The following EHBP1 variants were observed in gnomAD, a reference collection of about 807,000 sequenced individuals.
EHBP1 encodes the protein EH domain binding protein 1, also known as EH domain-binding protein 1.
EHBP1 carries 55 observed loss-of-function variants against 144.0 expected under a neutral mutation model. The ratio of observed to expected loss-of-function variants is 0.38; its 90% confidence interval spans 0.31 to 0.48. The LOEUF is 0.48. Ranked by LOEUF, EHBP1 falls within the 20% of genes least tolerant of loss-of-function variation. The probability of loss-of-function intolerance (pLI) is 0.98; values close to 1 mark genes in which losing one functional copy is unlikely to be tolerated. For synonymous variants in EHBP1, 469 were observed against 472.7 expected, an observed-to-expected ratio of 0.99 and a Z score of 0.10; for missense variants, 1,200 against 1,364.2, an observed-to-expected ratio of 0.88 and a Z score of 1.90.
intron 10 of EHBP1, among the ~76,000 whole-genome samples, chr2:62,926,776 C>T (rs1454459262): frequency 6.6e-6 from 1 of 152,038 alleles, no homozygotes; most frequent in Admixed American, 6.6e-5. Flanking sequence ...ATGGAGAACA[C>T]TATGGAGGTC....
intron 10 of EHBP1, among the ~76,000 whole-genome samples, chr2:62,909,259 A>T (rs983136267): frequency 6.6e-6 from 1 of 151,688 alleles, no homozygotes; most frequent in African/African-American, 2.4e-5. Context: ...GCTCAATGCA[A>T]CCTCCACCTC....
At chr2:62,801,262 T>C (rs560423114) in intron 5 of EHBP1, among the ~76,000 whole-genome samples, 1 of 152,216 alleles carries the variant, frequency 6.6e-6, no homozygotes, top group African/African-American at 2.4e-5. Flanking sequence ...AAGAAGTACT[T>C]GTGGTCGCTG....
intron 7 of EHBP1, among the ~76,000 whole-genome samples, chr2:62,833,568 G>C (rs777701996): frequency 2.0e-5 from 3 of 152,130 alleles, no homozygotes; most frequent in Non-Finnish European, 4.4e-5. Flanking sequence ...GTTGAGACCT[G>C]CCGTACAGAA....
intron 5 of EHBP1, among the ~76,000 whole-genome samples, chr2:62,815,284 C>T (rs1009679283): frequency 1.3e-5 from 2 of 152,164 alleles, no homozygotes; most frequent in African/African-American, 2.4e-5. Context: ...TGCATAGAAA[C>T]GAATGAGGAA....
At chr2:62,827,595 G>A (rs1338522566) in intron 6 of EHBP1, among the ~76,000 whole-genome samples, 1 of 152,040 alleles carries the variant, frequency 6.6e-6, no homozygotes, top group Non-Finnish European at 1.5e-5. Flanking sequence ...TTCTTTGCCT[G>A]GTTACCTTCC....
intron 2 of EHBP1, among the ~76,000 whole-genome samples, chr2:62,712,957 A>T (rs1010851765): frequency 2.0e-5 from 3 of 152,204 alleles, no homozygotes; most frequent in Admixed American, 6.5e-5. Context: ...AATTTCCTTT[A>T]ATAAAATAAA....
chr2:62,979,263 A>C lies in EHBP1; in HGVS notation c.2536A>C (p.Lys846Gln), dbSNP rs1264629898. Reference protein sequence around the residue: ...QLIAEARSGVKMSELPSYGEM... With the variant: ...QLIAEARSGVQMSELPSYGEM... The stretch of plus-strand genomic sequence containing the variant: ...AATAGCAGAAGCTCGATCTGGAGTG[A>C]AGATGTCAGAACTTCCCAGCTATGG... The change falls in exon 15 of 23, where the codon AAG becomes CAG. Residue 846 changes from lysine (K) to glutamine (Q), a missense_variant. Physicochemically the swap from Lys to Gln is moderately conservative, Grantham distance 53. Around this residue, in one of 6 missense-constraint regions of EHBP1, gnomAD observed 543 missense variants for 513.1 expected, o/e 1.06. Transcript: ENST00000431489. 1.9e-6 allele frequency: 3 copies of C among 1,614,008 alleles called. No individual in the cohort carries two copies. Among genetic ancestry groups the C allele is most frequent in the Non-Finnish European group, 1.7e-6 (2 of 1,179,930 alleles).
chr2:62,839,958 T>C (rs2047659952), intron 7 of EHBP1, among the ~76,000 whole-genome samples: 1 of 152,260 alleles, frequency 6.6e-6, no homozygotes, highest in East Asian at 1.9e-4. Context: ...AAGGTACCAA[T>C]GACTTTCTTC....
intron 16 of EHBP1, among the ~76,000 whole-genome samples, chr2:62,991,109 G>C (rs763206476): frequency 2.0e-4 from 30 of 151,974 alleles, no homozygotes; most frequent in Non-Finnish European, 3.4e-4. Flanking sequence ...GCCAGGCATG[G>C]TGGTGCATGA....
chr2:62,859,221 C>A lies in EHBP1; in HGVS notation c.687C>A (p.Thr229=). Residue 229 remains threonine (T), a synonymous_variant, in exon 8 of 23, where the codon ACC becomes ACA. Coordinates refer to ENST00000431489, the MANE Select transcript of EHBP1 (RefSeq NM_001142616.3). ...FLDEAEKDLA[T]VNSNPFDDPD... ...ATGAAGCAGAAAAGGACTTGGCCAC[C>A]GTGAATTCAAATCCATTTGATGATC... 1.9e-6 allele frequency: 3 copies of A among 1,611,402 alleles called. No homozygotes were observed. Among genetic ancestry groups the A allele is most frequent in the Non-Finnish European group, 2.5e-6 (3 of 1,178,322 alleles).
At chr2:62,780,807 G>C (rs1183034719) in intron 5 of EHBP1, among the ~76,000 whole-genome samples, 1 of 152,072 alleles carries the variant, frequency 6.6e-6, no homozygotes, top group East Asian at 1.9e-4. Context: ...ACATTTTAAG[G>C]GAAAGTTCCA....
chr2:62,681,498 A>T (rs1042151254), intron 1 of EHBP1, among the ~76,000 whole-genome samples: 2 of 151,512 alleles, frequency 1.3e-5, no homozygotes, highest in African/African-American at 4.9e-5. Context: ...AGAGGCTTGC[A>T]ATAGCACAAT....
At chr2:62,695,812 G>A (rs761127736) in intron 1 of EHBP1, among the ~76,000 whole-genome samples, 17 of 151,798 alleles carry the variant, frequency 1.1e-4, no homozygotes, top group African/African-American at 2.4e-5. Flanking sequence ...TCCCAGGCTC[G>A]AGTGATTCTC....
intron 10 of EHBP1, among the ~76,000 whole-genome samples, chr2:62,932,267 C>T (rs1262811332): frequency 4.6e-5 from 7 of 151,622 alleles, no homozygotes; most frequent in Non-Finnish European, 8.8e-5. Flanking sequence ...GGGATATTTG[C>T]ACACCCATGT....
intron 7 of EHBP1, among the ~76,000 whole-genome samples, chr2:62,832,849 T>A (rs1224657838): frequency 6.6e-6 from 1 of 152,148 alleles, no homozygotes; most frequent in African/African-American, 2.4e-5. Context: ...TATGGGTGTT[T>A]AAGTGAAAGG....
At chr2:62,832,995 GA>G (rs1404441976) in intron 7 of EHBP1, among the ~76,000 whole-genome samples, 1 of 152,062 alleles carries the variant, frequency 6.6e-6, no homozygotes, top group Admixed American at 6.5e-5. Flanking sequence ...TGAATGCAAA[GA>G]AAAAAATTCT....
At chr2:63,025,551 C>G (rs1019488838) in intron 19 of EHBP1, among the ~76,000 whole-genome samples, 8 of 152,200 alleles carry the variant, frequency 5.3e-5, no homozygotes, top group African/African-American at 1.9e-4. Context: ...GCGTGAGGCT[C>G]TGGCCCTTTT....
intron 14 of EHBP1, among the ~76,000 whole-genome samples, chr2:62,966,271 A>G (rs551502088): frequency 2.6e-4 from 39 of 152,172 alleles, no homozygotes; most frequent in African/African-American, 9.1e-4. Context: ...GAAAGGGAAT[A>G]GTTAGATTTT....
chr2:62,859,996 T>A (rs2049372292), intron 8 of EHBP1, among the ~76,000 whole-genome samples: 2 of 152,200 alleles, frequency 1.3e-5, no homozygotes, highest in Admixed American at 1.3e-4. Flanking sequence ...ATTTTGCTAC[T>A]GCCTGTCATG....
Sources: allele counts gnomAD v4.1 joint callset (sites outside exome capture counted in the v4.1 genomes callset), GRCh38; gene constraint gnomAD v4.1.1; regional missense constraint gnomAD v4.1.1; transcripts MANE v1.5; gene names NCBI Gene and HGNC (gene_info 2026-07-23, HGNC 2026-07-21).